LRP1B: variants seen among roughly 807,000 people sequenced by gnomAD.
LRP1B encodes low-density lipoprotein receptor-related protein 1B.
Under a neutral mutation model 556.6 loss-of-function variants are expected in LRP1B, and 217 were observed. The ratio of observed to expected loss-of-function variants is 0.39; its 90% CI spans 0.35 to 0.44. LRP1B has a LOEUF of 0.44. Ranked by LOEUF, LRP1B falls within the 20% of genes least tolerant of loss-of-function variation. The pLI is 1.00. For missense variants in LRP1B, 5,053 were observed against 5,620.8 expected (o/e 0.90, Z 3.23); for synonymous variants, 2,047 against 1,865.8 (o/e 1.10, Z -2.50).
At chr2:141,445,677 T>C (rs1681161051) in intron 3 of LRP1B, among the ~76,000 whole-genome samples, 1 of 152,230 alleles carries the variant, frequency 6.6e-6, no homozygotes. Context: ...AATTTTGTTA[T>C]TTACTCAGCA....
intron 3 of LRP1B, among the ~76,000 whole-genome samples, chr2:141,342,061 A>G (rs776672242): frequency 6.6e-6 from 1 of 151,508 alleles, no homozygotes; most frequent in African/African-American, 2.4e-5. Context: ...TGGCTAACAC[A>G]ATGAAACCCC....
chr2:140,593,221 T>A (rs906330983), intron 43 of LRP1B, among the ~76,000 whole-genome samples: 1 of 152,198 alleles, frequency 6.6e-6, no homozygotes, highest in African/African-American at 2.4e-5. Flanking sequence ...AATCTTGGAT[T>A]CAGTTTTTAA....
intron 1 of LRP1B, among the ~76,000 whole-genome samples, chr2:141,932,965 CT>C (rs1354871368): frequency 6.6e-6 from 1 of 151,854 alleles, no homozygotes; most frequent in Admixed American, 6.6e-5. Flanking sequence ...AAAATTTAAC[CT>C]TTCATTTCCT....
At chr2:141,886,058 GAAAACCTCT>G (rs1433070065) in intron 1 of LRP1B, among the ~76,000 whole-genome samples, 16 of 152,254 alleles carry the variant, frequency 1.1e-4, no homozygotes, top group African/African-American at 3.6e-4. Flanking sequence ...AAGATGTGAA[GAAAACCTCT>G]AAAACCTCAC....
intron 3 of LRP1B, among the ~76,000 whole-genome samples, chr2:141,405,089 G>A (rs6722921): frequency 0.64 from 96,465 of 151,622 alleles, 31,989 homozygotes; most frequent in Non-Finnish European, 0.73. Context: ...GCGAGACTCC[G>A]TCTCAAAAAA....
chr2:140,312,074 A>G (rs144945780), intron 83 of LRP1B, among the ~76,000 whole-genome samples: 51 of 151,958 alleles, frequency 3.4e-4, no homozygotes, highest in African/African-American at 1.2e-3. Flanking sequence ...CGGGGGAAAA[A>G]AAATCCTTCA....
At chr2:140,642,329 A>G (rs1269074343) in intron 41 of LRP1B, among the ~76,000 whole-genome samples, 2 of 152,184 alleles carry the variant, frequency 1.3e-5, no homozygotes, top group Non-Finnish European at 2.9e-5. Context: ...TCATCCAGAA[A>G]ACTTCGAGTG....
chr2:141,805,550 G>A (rs1389406464), intron 2 of LRP1B: 2 of 152,114 alleles, frequency 1.3e-5, no homozygotes, highest in East Asian at 1.9e-4. Flanking sequence ...CATTGTGTGA[G>A]GTTATGCTGT....
intron 31 of LRP1B, among the ~76,000 whole-genome samples, chr2:140,830,177 C>T (rs1014229080): frequency 6.6e-6 from 1 of 151,946 alleles, no homozygotes; most frequent in South Asian, 2.1e-4. Flanking sequence ...AATTATACCA[C>T]ACATTTAAAT....
intron 1 of LRP1B, among the ~76,000 whole-genome samples, chr2:142,101,103 TG>T (rs2104969179): frequency 6.6e-6 from 1 of 152,066 alleles, no homozygotes; most frequent in South Asian, 2.1e-4. Flanking sequence ...TAGAAATAAG[TG>T]TGCTAACAGG....
At chr2:142,049,664 T>A (rs980883259) in intron 1 of LRP1B, among the ~76,000 whole-genome samples, 3 of 152,126 alleles carry the variant, frequency 2.0e-5, no homozygotes, top group African/African-American at 7.2e-5. Context: ...TTAAAAGGTT[T>A]CATCCACTGC....
chr2:140,709,354 A>T (rs1686949838), intron 37 of LRP1B, among the ~76,000 whole-genome samples: 1 of 152,020 alleles, frequency 6.6e-6, no homozygotes, highest in Non-Finnish European at 1.5e-5. Flanking sequence ...AGCATGGAGA[A>T]AATTATTACA....
chr2:140,358,751 A>ATGTT, intron 73 of LRP1B, 70 bp downstream of exon 73: 1 of 1,516,474 alleles, frequency 6.6e-7, no homozygotes, highest in Non-Finnish European at 9.1e-7. Context: ...ATTTTTTAAA[A>ATGTT]TGTTTGTACT....
intron 66 of LRP1B, among the ~76,000 whole-genome samples, chr2:140,411,791 T>C (rs1013503465): frequency 6.6e-6 from 1 of 152,140 alleles, no homozygotes; most frequent in Non-Finnish European, 1.5e-5. Flanking sequence ...TATGAGAAAG[T>C]ACCTGGCACA....
intron 27 of LRP1B, among the ~76,000 whole-genome samples, chr2:140,858,945 T>C (rs578158512): frequency 1.4e-4 from 21 of 152,308 alleles, no homozygotes; most frequent in Middle Eastern, 3.4e-3. Context: ...TAGTATTCCA[T>C]GGTGTATATG....
intron 32 of LRP1B, among the ~76,000 whole-genome samples, chr2:140,782,076 T>C (rs781306356): frequency 2.0e-5 from 3 of 152,238 alleles, no homozygotes; most frequent in Non-Finnish European, 2.9e-5. Flanking sequence ...TGTTTCACAC[T>C]GTTATTGACA....
chr2:141,432,441 T>C (rs1272301190), intron 3 of LRP1B, among the ~76,000 whole-genome samples: 1 of 152,092 alleles, frequency 6.6e-6, no homozygotes, highest in Non-Finnish European at 1.5e-5. Context: ...ATCAGGGTAA[T>C]TCTTGCCTAA....
At chr2:140,447,393 A>G (rs1686706920) in intron 63 of LRP1B, among the ~76,000 whole-genome samples, 1 of 152,004 alleles carries the variant, frequency 6.6e-6, no homozygotes, top group Non-Finnish European at 1.5e-5. Context: ...AGCATGTCAT[A>G]CTTTTTTTTT....
intron 3 of LRP1B, among the ~76,000 whole-genome samples, chr2:141,294,715 G>A (rs1190829090): frequency 1.4e-5 from 2 of 148,064 alleles, no homozygotes; most frequent in Non-Finnish European, 1.5e-5. Context: ...ATGCCAGCCT[G>A]GTTGACAGAA....
Sources: allele counts gnomAD v4.1 joint callset (sites outside exome capture counted in the v4.1 genomes callset), GRCh38; gene constraint gnomAD v4.1.1; transcripts MANE v1.5; gene names NCBI Gene and HGNC (gene_info 2026-07-23, HGNC 2026-07-21).